UTRN: variants seen among roughly 807,000 people sequenced by gnomAD.
The protein encoded by UTRN is dystrophin-related protein 1.
UTRN carries 283 observed loss-of-function variants against 463.9 expected under a neutral mutation model. The ratio of observed to expected loss-of-function variants is 0.61; its 90% CI spans 0.55 to 0.67. The LOEUF (loss-of-function observed/expected upper bound fraction) is 0.67, where lower values mean the gene tolerates loss of function less well. UTRN is among the 30% of genes least tolerant of loss of function. The probability of loss-of-function intolerance (pLI) is 0.00; values close to 1 mark genes in which losing one functional copy is unlikely to be tolerated. For missense variants in UTRN, 3,922 were observed against 4,084.3 expected (o/e 0.96, Z 1.08); for synonymous variants, 1,442 against 1,431.5 (o/e 1.01, Z -0.17).
At position 144,488,842 on chromosome 6, in the gene UTRN, C is replaced by T. The variant is rs113814301; in HGVS notation, c.4134+8C>T. The T allele has an allele frequency of 0.042, 66,512 of 1,581,046 alleles. 1,672 individuals carry two copies. The highest frequency in any genetic ancestry group is 0.049 in the Non-Finnish European group (56,360 of 1,160,200). On this transcript the variant is annotated splice_region_variant and intron_variant, in intron 30 of 74. Coordinates refer to ENST00000367545, the MANE Select transcript of UTRN (RefSeq NM_007124.3). ...GTTCCACAGGAAGCTCAGGTATTGC[C>T]GTGCATTTGAGGGCTTTTGAGCTGT...
chr6:144,306,830 C>T (rs941658339), intron 2 of UTRN, among the ~76,000 whole-genome samples: 3 of 150,778 alleles, frequency 2.0e-5, no homozygotes, highest in East Asian at 2.0e-4. Flanking sequence ...CCGAGGCGGG[C>T]GGATCACCTG....
At chr6:144,688,349 T>C (rs1782963520) in intron 52 of UTRN, among the ~76,000 whole-genome samples, 1 of 152,220 alleles carries the variant, frequency 6.6e-6, no homozygotes, top group African/African-American at 2.4e-5. Flanking sequence ...GTCATCCTTT[T>C]GTATTCTTTA....
At chr6:144,382,321 G>A (rs926068711) in intron 2 of UTRN, among the ~76,000 whole-genome samples, 4 of 152,186 alleles carry the variant, frequency 2.6e-5, no homozygotes, top group African/African-American at 9.7e-5. Context: ...AAGTGGTAAA[G>A]TTTTTATTAT....
chr6:144,367,928 C>T (rs1779646931), intron 2 of UTRN, among the ~76,000 whole-genome samples: 1 of 152,040 alleles, frequency 6.6e-6, no homozygotes, highest in Non-Finnish European at 1.5e-5. Context: ...ATTACAGGCA[C>T]CCGCCACCAC....
At chr6:144,808,257 C>T (rs1778318080) in intron 65 of UTRN, among the ~76,000 whole-genome samples, 1 of 148,140 alleles carries the variant, frequency 6.8e-6, no homozygotes, top group South Asian at 2.1e-4. Context: ...AATGATTAAG[C>T]TTATGAATCA....
At chr6:144,543,074 G>A (rs868228088) in intron 46 of UTRN, among the ~76,000 whole-genome samples, 8 of 152,140 alleles carry the variant, frequency 5.3e-5, no homozygotes, top group Non-Finnish European at 7.3e-5. Flanking sequence ...ATTTGTTCTC[G>A]CGGCAGATAA....
At chr6:144,508,155 G>T (rs900972270) in intron 34 of UTRN, among the ~76,000 whole-genome samples, 1 of 152,160 alleles carries the variant, frequency 6.6e-6, no homozygotes, top group East Asian at 1.9e-4. Context: ...TCCAGCCGTT[G>T]GATCTTAGCT....
Position 144,531,075 on chromosome 6 carries a change from A to G in UTRN, c.5930A>G (p.Glu1977Gly). ...RKGCFDRAME[E>G]WRQFHCDLND... ...AGTTGTTTTGACAGGGCAATGGAAG[A>G]ATGGAGACAGTTCCATTGTGACCTT... Residue 1977 changes from glutamate to glycine, a missense_variant, in exon 42 of 75, where the codon GAA becomes GGA. By Grantham distance (98) the Glu-to-Gly change is moderately conservative. Around this residue, in one of 3 missense-constraint regions of UTRN, gnomAD observed 2,349 missense variants for 2,303.8 expected, o/e 1.02. Transcript: ENST00000367545. The G allele has an allele frequency of 6.2e-7, 1 of 1,613,946 alleles. No individual in the cohort carries two copies. The highest frequency in any genetic ancestry group is 1.1e-5 in the South Asian group (1 of 91,052).
Position 144,300,593 on chromosome 6 carries a change from C to T in UTRN, c.79+8686C>T, listed in dbSNP as rs17073595. Among the ~76,000 whole-genome samples, 1,405 of 152,184 alleles carry T rather than the reference C, an allele frequency of 9.2e-3. 18 individuals carry two copies. The highest frequency in any genetic ancestry group is 0.032 in the African/African-American group (1,322 of 41,500). ...ATAACCTTCAGAGTGACTTGAGATA[C>T]GGAATTGCTTCTTTGTATATCATTG... On this transcript the variant is annotated intron_variant, in intron 2 of 74. Transcript: ENST00000367545.
chr6:144,621,135 T>C (rs1042848515), intron 51 of UTRN, among the ~76,000 whole-genome samples: 2 of 152,180 alleles, frequency 1.3e-5, no homozygotes, highest in Non-Finnish European at 2.9e-5. Flanking sequence ...CTCTTAGGGT[T>C]GTTGTCAAGA....
At chr6:144,697,234 A>G (rs190997916) in intron 52 of UTRN, among the ~76,000 whole-genome samples, 4 of 152,258 alleles carry the variant, frequency 2.6e-5, no homozygotes, top group African/African-American at 9.6e-5. Context: ...AGCAGCTGAG[A>G]TGTTAGAATA....
At chr6:144,679,908 T>C (rs1254579638) in intron 52 of UTRN, among the ~76,000 whole-genome samples, 2 of 152,112 alleles carry the variant, frequency 1.3e-5, no homozygotes, top group South Asian at 2.1e-4. Context: ...AAAGTTCCCA[T>C]TGGGAAATAC....
chr6:144,528,304 G>T (rs1796742062), intron 41 of UTRN, among the ~76,000 whole-genome samples: 1 of 152,180 alleles, frequency 6.6e-6, no homozygotes, highest in Admixed American at 6.5e-5. Flanking sequence ...CCAAGTTGCT[G>T]GGATTACAGG....
chr6:144,606,703 C>T (rs1265098774), intron 51 of UTRN, among the ~76,000 whole-genome samples: 2 of 152,218 alleles, frequency 1.3e-5, no homozygotes, highest in Non-Finnish European at 2.9e-5. Context: ...AATTTAGATA[C>T]TGAATTAGAA....
At chr6:144,850,843 G>A (rs1782431982) in intron 74 of UTRN, 146 bp from the exon 75 acceptor site, 3 of 1,014,720 alleles carry the variant, frequency 3.0e-6, no homozygotes, top group Middle Eastern at 4.1e-4. Context: ...GCATGAGAGG[G>A]AGGGACCTCA....
intron 2 of UTRN, among the ~76,000 whole-genome samples, chr6:144,342,026 G>A (rs1777172764): frequency 6.6e-6 from 1 of 152,302 alleles, no homozygotes; most frequent in East Asian, 1.9e-4. Flanking sequence ...CTCACTGGCT[G>A]TTCTGTATTT....
chr6:144,729,238 T>C (rs189995413), intron 53 of UTRN, among the ~76,000 whole-genome samples: 61 of 152,302 alleles, frequency 4.0e-4, no homozygotes, highest in Middle Eastern at 6.8e-3. Flanking sequence ...GGTTTTTTTG[T>C]GTGTATGTTG....
intron 49 of UTRN, among the ~76,000 whole-genome samples, chr6:144,555,292 C>T (rs1799276539): frequency 6.6e-6 from 1 of 152,148 alleles, no homozygotes; most frequent in Non-Finnish European, 1.5e-5. Flanking sequence ...AATTGACTCA[C>T]AGTTCATTTG....
At chr6:144,787,742 A>G (rs1776408853) in intron 61 of UTRN, among the ~76,000 whole-genome samples, 1 of 152,166 alleles carries the variant, frequency 6.6e-6, no homozygotes, top group Admixed American at 6.5e-5. Context: ...TGATACAAAT[A>G]TTTATGTTTT....
Sources: allele counts gnomAD v4.1 joint callset (sites outside exome capture counted in the v4.1 genomes callset), GRCh38; gene constraint gnomAD v4.1.1; regional missense constraint gnomAD v4.1.1; transcripts MANE v1.5; gene names NCBI Gene and HGNC (gene_info 2026-07-23, HGNC 2026-07-21).